Variants in NLRC4 observed in about 807,000 individuals in gnomAD.
The protein encoded by NLRC4 is NLR family CARD domain containing 4, also known as NLR family CARD domain-containing protein 4.
Under a neutral mutation model 79.9 loss-of-function variants are expected in NLRC4, and 63 were observed. That is an observed-to-expected ratio of 0.79 (90% CI 0.64 to 0.97). The LOEUF is 0.97. NLRC4 is among the 50% of genes least tolerant of loss of function. The pLI, the probability that NLRC4 is intolerant of heterozygous loss-of-function variation, is 0.00. For synonymous variants in NLRC4, 461 were observed against 456.5 expected (o/e 1.01, Z -0.12); for missense variants, 1,074 against 1,215.2 (o/e 0.88, Z 1.73).
chr2:32,237,968 T>C (rs1463992905), intron 6 of NLRC4, among the ~76,000 whole-genome samples, 164 bp downstream of exon 6: 1 of 152,216 alleles, frequency 6.6e-6, no homozygotes, highest in Non-Finnish European at 1.5e-5. Flanking sequence ...AATTCTAATA[T>C]GGAGAAAAAT....
chr2:32,264,089 C>G (rs479333), intron 1 of NLRC4, among the ~76,000 whole-genome samples: 91,535 of 151,906 alleles, frequency 0.6, 27,921 homozygotes, highest in African/African-American at 0.63. Flanking sequence ...TAGTCCACCT[C>G]GTTCCTTTCA....
At position 32,252,459 on chromosome 2, in the gene NLRC4, C is replaced by G. The variant is rs549981671; in HGVS notation, c.222G>C (p.Lys74Asn). ...CCTGAAATAGAGGATAGTTCCACTC[C>G]TTAAGGGATTTAAGAAAGAGGTTAC... ...ESCNLFLKSL[K>N]EWNYPLFQDL... Residue 74 changes from lysine (K) to asparagine (N), a missense_variant, in exon 3 of 9, where the codon AAG (lysine) becomes AAC (asparagine). Lys to Asn is a moderately conservative substitution (Grantham distance 94). Transcript: ENST00000402280. 10 of 1,611,042 alleles carry G rather than the reference C, an allele frequency of 6.2e-6. No homozygotes were observed. The East Asian group carries it at 2.2e-4, about 36-fold the overall frequency.
intron 1 of NLRC4, among the ~76,000 whole-genome samples, chr2:32,262,186 A>C (rs2148949577): frequency 6.6e-6 from 1 of 152,304 alleles, no homozygotes; most frequent in South Asian, 2.1e-4. Flanking sequence ...CTACAGCTCT[A>C]CCACTGACAC....
At chr2:32,233,407 G>A (rs563176286) in intron 8 of NLRC4, among the ~76,000 whole-genome samples, 1 of 132,668 alleles carries the variant, frequency 7.5e-6, no homozygotes, top group South Asian at 2.4e-4. Flanking sequence ...GCCCAGGCTG[G>A]TTTCAAACTT....
intron 8 of NLRC4, among the ~76,000 whole-genome samples, chr2:32,231,563 A>G (rs928739412): frequency 1.0e-4 from 5 of 48,662 alleles, no homozygotes; most frequent in African/African-American, 4.1e-4. Flanking sequence ...TTCTTTTTCT[A>G]TTTTTTTTTG....
chr2:32,258,858 T>C (rs1262930698), intron 1 of NLRC4, among the ~76,000 whole-genome samples: 1 of 151,948 alleles, frequency 6.6e-6, no homozygotes. Context: ...CAAACCAAGT[T>C]AGATGATCTA....
chr2:32,245,331 AAAC>A (rs1441460501), intron 4 of NLRC4, among the ~76,000 whole-genome samples: 4 of 151,086 alleles, frequency 2.6e-5, no homozygotes, highest in Admixed American at 1.3e-4. Flanking sequence ...AAAAAAAAAA[AAAC>A]AGATGAATAG....
At chr2:32,228,012 C>G (rs1013484739) in intron 8 of NLRC4, among the ~76,000 whole-genome samples, 1 of 152,148 alleles carries the variant, frequency 6.6e-6, no homozygotes, top group Non-Finnish European at 1.5e-5. Context: ...TTCACCTGAA[C>G]GAGTACCAGA....
At chr2:32,265,089 A>T (rs572564961), upstream of NLRC4, among the ~76,000 whole-genome samples, 1 of 152,252 alleles carries the variant, frequency 6.6e-6, no homozygotes, top group Non-Finnish European at 1.5e-5. Context: ...TGTTCACAAC[A>T]TATGAATTCA....
intron 4 of NLRC4, among the ~76,000 whole-genome samples, chr2:32,248,527 A>G (rs973166506): frequency 1.3e-5 from 2 of 152,268 alleles, no homozygotes; most frequent in Non-Finnish European, 2.9e-5. Context: ...CTTAAAGAAT[A>G]AACTGTCCTA....
At chr2:32,253,397 C>T (rs1299809680) in intron 2 of NLRC4, among the ~76,000 whole-genome samples, 1 of 151,944 alleles carries the variant, frequency 6.6e-6, no homozygotes, top group Non-Finnish European at 1.5e-5. Context: ...ATCCACCTGC[C>T]TTGGCTTCCC....
chr2:32,224,929 C>G (rs2148927936), intron 8 of NLRC4, among the ~76,000 whole-genome samples, 164 bp from the exon 9 acceptor site: 1 of 151,924 alleles, frequency 6.6e-6, no homozygotes, highest in East Asian at 1.9e-4. Context: ...TTCTCTATAG[C>G]TAGGGCAGTG....
intron 1 of NLRC4, 109 bp from the exon 2 acceptor site, chr2:32,257,002 AAAAAAACTCGC>A: frequency 2.0e-6 from 1 of 492,452 alleles, no homozygotes; most frequent in Non-Finnish European, 3.6e-6. Flanking sequence ...CCCAAACCAG[AAAAAAACTCGC>A]TCAAAGCCCC....
At chr2:32,226,610 G>T (rs1177129423) in intron 8 of NLRC4, among the ~76,000 whole-genome samples, 1 of 152,198 alleles carries the variant, frequency 6.6e-6, no homozygotes, top group Non-Finnish European at 1.5e-5. Context: ...GCCGGGTGCG[G>T]TGGCTCATGC....
In NLRC4 at chr2:32,252,342, T is replaced by C. The variant is rs1687096736; in HGVS notation, c.262+77A>G. On this transcript the variant is annotated intron_variant, in intron 3 of 8. Transcript: ENST00000402280. Reference sequence around the variant, plus strand: ...TATGAAGAGAAGGAAAAGCAGAGGCTCTGCCATGGGGAAGATGGATCTTTG... The same window carrying C: ...TATGAAGAGAAGGAAAAGCAGAGGCCCTGCCATGGGGAAGATGGATCTTTG... 2.8e-6 allele frequency: 3 copies of C among 1,055,984 alleles called. No homozygotes were observed. In the East Asian group the frequency reaches 7.1e-5, roughly 25 times the overall value. 65.4% of individuals were successfully genotyped at this position (1,055,984 alleles called of 1,614,324 possible).
At chr2:32,253,796 C>G (rs1294694829) in intron 2 of NLRC4, among the ~76,000 whole-genome samples, 2 of 151,796 alleles carry the variant, frequency 1.3e-5, no homozygotes, top group Non-Finnish European at 2.9e-5. Flanking sequence ...GAAACCTTGT[C>G]TCTACTAAAA....
chr2:32,255,797 G>A (rs1210623709), intron 2 of NLRC4, among the ~76,000 whole-genome samples: 2 of 152,026 alleles, frequency 1.3e-5, no homozygotes, highest in South Asian at 2.1e-4. Context: ...GGTGGATCAC[G>A]AGGTCAGGAG....
chr2:32,228,521 G>C (rs186157766), intron 8 of NLRC4, among the ~76,000 whole-genome samples: 2 of 152,034 alleles, frequency 1.3e-5, no homozygotes, highest in Non-Finnish European at 2.9e-5. Context: ...AAGGAAGACT[G>C]AGACTAAAAG....
intron 2 of NLRC4, among the ~76,000 whole-genome samples, chr2:32,255,377 A>C (rs1199252959): frequency 6.6e-6 from 1 of 151,990 alleles, no homozygotes; most frequent in Non-Finnish European, 1.5e-5. Context: ...AAAATTAGCC[A>C]GTCGTGGTGG....
Sources: gnomAD v4.1 joint callset for allele counts (sites outside exome capture counted in the v4.1 genomes callset) on GRCh38, gnomAD v4.1.1 for gene constraint, MANE v1.5 for transcripts, NCBI Gene and HGNC (gene_info 2026-07-23, HGNC 2026-07-21) for gene names.